GNA14: variants seen among roughly 807,000 people sequenced by gnomAD.
GNA14 encodes the protein guanine nucleotide-binding protein subunit alpha-14.
A neutral mutation model predicts 42.0 loss-of-function variants in GNA14; 50 were observed. That is an observed-to-expected ratio of 1.19 (90% CI 0.95 to 1.51). The LOEUF (loss-of-function observed/expected upper bound fraction) is 1.51. Ranked by LOEUF, GNA14 falls within the 40% of genes most tolerant of loss-of-function variation. The pLI, the probability that GNA14 is intolerant of heterozygous loss-of-function variation, is 0.00. For missense variants in GNA14, 473 were observed against 446.2 expected (o/e 1.06, Z -0.54); for synonymous variants, 173 against 163.1 (o/e 1.06, Z -0.46).
intron 2 of GNA14, among the ~76,000 whole-genome samples, chr9:77,517,817 C>T (rs948778373): frequency 6.6e-6 from 1 of 151,578 alleles, no homozygotes; most frequent in East Asian, 1.9e-4. Flanking sequence ...GCTGCCCAGG[C>T]TGGTCTTGAA....
intron 1 of GNA14, among the ~76,000 whole-genome samples, chr9:77,641,060 AGGAGGGGAGGGGAGGGGAGG>A (rs1204505234): frequency 1.3e-5 from 1 of 76,684 alleles, no homozygotes; most frequent in Non-Finnish European, 2.4e-5. Context: ...GAAGGAAGGA[AGGAGGGGAGGGGAGGGGAGG>A]GGAGGGGAGG....
intron 2 of GNA14, among the ~76,000 whole-genome samples, chr9:77,491,138 A>G (rs1268936677): frequency 2.0e-5 from 3 of 152,258 alleles, no homozygotes; most frequent in Non-Finnish European, 2.9e-5. Flanking sequence ...TATCTTTTAA[A>G]TATGAAAGAA....
At chr9:77,647,188 C>T (rs1028657997) in intron 1 of GNA14, among the ~76,000 whole-genome samples, 2 of 152,212 alleles carry the variant, frequency 1.3e-5, no homozygotes, top group Non-Finnish European at 2.9e-5. Context: ...AGCGATATCA[C>T]CTGCCCGCAT....
chr9:77,554,085 T>G (rs535452092), intron 1 of GNA14, among the ~76,000 whole-genome samples: 1 of 152,182 alleles, frequency 6.6e-6, no homozygotes, highest in Non-Finnish European at 1.5e-5. Context: ...AAATTCCAAG[T>G]CTGCCACTTA....
intron 1 of GNA14, among the ~76,000 whole-genome samples, chr9:77,544,561 G>A (rs1210130279): frequency 6.6e-6 from 1 of 151,660 alleles, no homozygotes; most frequent in Non-Finnish European, 1.5e-5. Flanking sequence ...AAATTAGCCA[G>A]GCATGGTAGC....
intron 1 of GNA14, among the ~76,000 whole-genome samples, chr9:77,547,404 A>G (rs554232860): frequency 1.5e-3 from 230 of 152,350 alleles, no homozygotes; most frequent in Admixed American, 2.7e-3. Context: ...CGTTGTTACA[A>G]GAAAAAAAGA....
At chr9:77,626,913 G>T (rs1437682670) in intron 1 of GNA14, among the ~76,000 whole-genome samples, 1 of 151,758 alleles carries the variant, frequency 6.6e-6, no homozygotes, top group South Asian at 2.1e-4. Context: ...ATAGAGACAC[G>T]AACAACCCTT....
At chr9:77,630,857 T>TGAA (rs367756755) in intron 1 of GNA14, among the ~76,000 whole-genome samples, 2 of 152,168 alleles carry the variant, frequency 1.3e-5, no homozygotes, top group African/African-American at 4.8e-5. Context: ...ACAGTACTGA[T>TGAA]GAAGATGGGA....
intron 2 of GNA14, among the ~76,000 whole-genome samples, chr9:77,447,319 T>C (rs1164676589): frequency 6.6e-6 from 1 of 152,196 alleles, no homozygotes; most frequent in Admixed American, 6.5e-5. Context: ...AGTGACTCTC[T>C]CTTCAAGGTC....
chr9:77,621,941 A>G (rs2117975836), intron 1 of GNA14, among the ~76,000 whole-genome samples: 1 of 152,038 alleles, frequency 6.6e-6, no homozygotes, highest in African/African-American at 2.4e-5. Context: ...TTTTCTTTTT[A>G]TTAAGACAGG....
chr9:77,639,909 G>C (rs1431578880), intron 1 of GNA14, among the ~76,000 whole-genome samples: 1 of 152,148 alleles, frequency 6.6e-6, no homozygotes, highest in East Asian at 1.9e-4. Context: ...GGCTTTTGTG[G>C]TCCCTTCCAA....
intron 2 of GNA14, among the ~76,000 whole-genome samples, chr9:77,511,129 C>T (rs557141567): frequency 6.6e-6 from 1 of 151,896 alleles, no homozygotes; most frequent in Admixed American, 6.6e-5. Context: ...CCAAAGTGAC[C>T]ATCATCTTAT....
intron 2 of GNA14, among the ~76,000 whole-genome samples, chr9:77,514,071 A>G (rs765849836): frequency 9.9e-5 from 15 of 152,116 alleles, no homozygotes; most frequent in Non-Finnish European, 1.9e-4. Context: ...CAACAAACAC[A>G]TCCCAAGAGC....
chr9:77,522,062 C>T (rs1837366060), intron 2 of GNA14, among the ~76,000 whole-genome samples: 1 of 152,172 alleles, frequency 6.6e-6, no homozygotes, highest in African/African-American at 2.4e-5. Context: ...GTCTCGAATT[C>T]CTGACCTCAG....
chr9:77,431,023 TTTGTGTGTGTGTGTGTG>T (rs1270497747), intron 4 of GNA14, among the ~76,000 whole-genome samples: 11 of 111,602 alleles, frequency 9.9e-5, no homozygotes, highest in Middle Eastern at 4.5e-3. Flanking sequence ...GAAGTATACA[TTTGTGTGTGTGTGTGTG>T]TGTGTGTGTG....
intron 2 of GNA14, among the ~76,000 whole-genome samples, chr9:77,503,414 A>G (rs1837006559): frequency 6.6e-6 from 1 of 152,192 alleles, no homozygotes; most frequent in South Asian, 2.1e-4. Context: ...CCAATGATGT[A>G]CAAATGCCAG....
intron 1 of GNA14, among the ~76,000 whole-genome samples, chr9:77,564,295 T>TAA (rs1327717683): frequency 4.6e-4 from 38 of 82,964 alleles, no homozygotes; most frequent in South Asian, 3.8e-3. Flanking sequence ...GCAGCACAAT[T>TAA]TAAAAAAAAA....
intron 2 of GNA14, among the ~76,000 whole-genome samples, chr9:77,524,830 C>G (rs62573379): frequency 0.013 from 1,982 of 152,102 alleles, 23 homozygotes; most frequent in South Asian, 0.033. Flanking sequence ...ATTTTTGAAC[C>G]TGCCCCAATA....
At chr9:77,446,564 A>G (rs1467092481) in intron 2 of GNA14, among the ~76,000 whole-genome samples, 1 of 152,174 alleles carries the variant, frequency 6.6e-6, no homozygotes, top group African/African-American at 2.4e-5. Flanking sequence ...CCTGACCTCC[A>G]AAACCTCCCA....
Sources: allele counts gnomAD v4.1 joint callset (sites outside exome capture counted in the v4.1 genomes callset), GRCh38; gene constraint gnomAD v4.1.1; transcripts MANE v1.5; gene names NCBI Gene and HGNC (gene_info 2026-07-23, HGNC 2026-07-21).